Variants in MUC7 observed in about 807,000 individuals in gnomAD.
The protein encoded by MUC7 is mucin 7, secreted, also known as mucin-7.
Under a neutral mutation model 2.5 loss-of-function variants are expected in MUC7, and 2 were observed. That is an observed-to-expected ratio of 0.81 (90% CI 0.33 to 2.55). MUC7 has a LOEUF of 2.55. Ranked by LOEUF, MUC7 falls within the 30% of genes most tolerant of loss-of-function variation. The probability of loss-of-function intolerance (pLI) is 0.11; values close to 1 mark genes in which losing one functional copy is unlikely to be tolerated. For synonymous variants in MUC7, 133 were observed against 173.4 expected, an observed-to-expected ratio of 0.77 and a Z score of 1.83; for missense variants, 408 against 455.6, an observed-to-expected ratio of 0.90 and a Z score of 0.95.
chr4:70,459,249 C>T (rs147050190), intron 1 of MUC7, among the ~76,000 whole-genome samples: 13,343 of 152,098 alleles, frequency 0.088, 780 homozygotes, highest in East Asian at 0.21. Flanking sequence ...ACCATGCAGC[C>T]GTAAAAAATG....
At chr4:70,445,795 A>T (rs1406554430) in intron 1 of MUC7, among the ~76,000 whole-genome samples, 1 of 152,204 alleles carries the variant, frequency 6.6e-6, no homozygotes, top group Non-Finnish European at 1.5e-5. Flanking sequence ...TGCAAACCTA[A>T]CTTGCATATT....
chr4:70,431,628 T>C (rs1366430637), intron 1 of MUC7, among the ~76,000 whole-genome samples: 3 of 152,328 alleles, frequency 2.0e-5, no homozygotes, highest in East Asian at 3.9e-4. Flanking sequence ...GTAGTTTTCA[T>C]TGGAATTACA....
chr4:70,431,921 C>T (rs945514185), intron 1 of MUC7, among the ~76,000 whole-genome samples: 4 of 152,032 alleles, frequency 2.6e-5, no homozygotes, highest in African/African-American at 4.8e-5. Flanking sequence ...CGACAGGCCC[C>T]GGTGTGTGAT....
upstream of MUC7, among the ~76,000 whole-genome samples, chr4:70,470,104 G>T (rs1406262708): frequency 6.6e-6 from 1 of 152,160 alleles, no homozygotes; most frequent in Non-Finnish European, 1.5e-5. Flanking sequence ...CATGTCCTTT[G>T]CAGGGACATG....
At chr4:70,433,660 T>C (rs772749895) in intron 1 of MUC7, among the ~76,000 whole-genome samples, 1 of 152,212 alleles carries the variant, frequency 6.6e-6, no homozygotes, top group Non-Finnish European at 1.5e-5. Context: ...TACAATCATG[T>C]CATCTGCAAA....
chr4:70,460,103 A>G (rs374997487), intron 1 of MUC7, among the ~76,000 whole-genome samples: 10 of 152,314 alleles, frequency 6.6e-5, no homozygotes, highest in African/African-American at 2.2e-4. Context: ...CGAAAATAGA[A>G]AAGAAAATAT....
At chr4:70,448,866 G>T (rs1383540507) in intron 1 of MUC7, among the ~76,000 whole-genome samples, 1 of 152,174 alleles carries the variant, frequency 6.6e-6, no homozygotes, top group Non-Finnish European at 1.5e-5. Flanking sequence ...GTCCTGGAGA[G>T]TTTCCCCAAT....
intron 1 of MUC7, among the ~76,000 whole-genome samples, chr4:70,466,499 T>C (rs551746595): frequency 1.6e-4 from 24 of 152,216 alleles, no homozygotes; most frequent in Middle Eastern, 3.4e-3. Flanking sequence ...ATCAGTGTGC[T>C]ATATTCAGGA....
intron 2 of MUC7, among the ~76,000 whole-genome samples, chr4:70,479,964 A>G (rs553289713): frequency 1.3e-5 from 2 of 152,316 alleles, no homozygotes; most frequent in African/African-American, 4.8e-5. Flanking sequence ...GTGAGTTCCT[A>G]ATCAGAAGAG....
At chr4:70,432,233 C>G (rs1272051969) in intron 1 of MUC7, among the ~76,000 whole-genome samples, 1 of 151,842 alleles carries the variant, frequency 6.6e-6, no homozygotes, top group African/African-American at 2.4e-5. Context: ...TTTATAGCAG[C>G]ATGATTTATA....
chr4:70,431,820 C>T lies in MUC7; in HGVS notation c.-93+1133C>T, dbSNP rs371708734. ...CGCGCAGGTTTCTTACATATGTATA[C>T]ATGTGCCATGTTGGTGTGCTGCACC... On this transcript the variant is annotated intron_variant, in intron 1 of 3. Coordinates refer to the MUC7 transcript ENST00000413702. Among the ~76,000 whole-genome samples, 77 of 152,168 alleles carry T rather than the reference C, an allele frequency of 5.1e-4. 2 individuals are homozygous for T. The South Asian group carries it at 0.016, about 31-fold the overall frequency.
intron 1 of MUC7, among the ~76,000 whole-genome samples, chr4:70,435,910 C>G (rs1733819628): frequency 6.6e-6 from 1 of 152,204 alleles, no homozygotes; most frequent in Non-Finnish European, 1.5e-5. Flanking sequence ...GTGATAAAAT[C>G]TCTTCACATT....
Position 70,480,790 on chromosome 4 carries a change from T to G in MUC7, c.55-9T>G. On this transcript the variant is annotated splice_polypyrimidine_tract_variant and intron_variant, in intron 2 of 2. Coordinates refer to ENST00000304887, the MANE Select transcript of MUC7 (RefSeq NM_152291.3). ...TTTTCATTTCTTACATTTTCTTTCT[T>G]TTCTGCAGTTCAGTGAAGGTCGAGA... 1 of 1,605,506 alleles carries G rather than the reference T, an allele frequency of 6.2e-7. No homozygotes were observed. The highest frequency in any genetic ancestry group is 1.1e-5 in the South Asian group (1 of 90,430).
chr4:70,464,257 C>A (rs774511777), intron 1 of MUC7, among the ~76,000 whole-genome samples: 5 of 152,182 alleles, frequency 3.3e-5, no homozygotes, highest in Non-Finnish European at 5.9e-5. Flanking sequence ...AACCAGCAGA[C>A]AAGAAGATTC....
intron 1 of MUC7, among the ~76,000 whole-genome samples, chr4:70,442,164 T>C (rs1208871649): frequency 3.3e-5 from 5 of 152,210 alleles, no homozygotes; most frequent in Non-Finnish European, 5.9e-5. Flanking sequence ...ATATTTTCTA[T>C]ACAACAAAAA....
chr4:70,479,665 T>C (rs1735111365), intron 2 of MUC7, among the ~76,000 whole-genome samples: 1 of 152,192 alleles, frequency 6.6e-6, no homozygotes, highest in Admixed American at 6.5e-5. Context: ...ATGAAGTATG[T>C]TTACAGATAA....
intron 1 of MUC7, among the ~76,000 whole-genome samples, chr4:70,439,090 AC>A (rs1733938569): frequency 1.3e-5 from 2 of 152,228 alleles, no homozygotes; most frequent in Non-Finnish European, 2.9e-5. Flanking sequence ...AACTATGGGA[AC>A]TAAAATAGGG....
At chr4:70,456,551 G>A (rs1455350259) in intron 1 of MUC7, among the ~76,000 whole-genome samples, 1 of 152,170 alleles carries the variant, frequency 6.6e-6, no homozygotes, top group Non-Finnish European at 1.5e-5. Context: ...GCAGAAGAGA[G>A]AGAGAGAACA....
intron 1 of MUC7, among the ~76,000 whole-genome samples, chr4:70,459,587 GAAAT>G (rs1430356871): frequency 6.6e-6 from 1 of 151,950 alleles, no homozygotes; most frequent in African/African-American, 2.4e-5. Context: ...TAATAATAAT[GAAAT>G]AAAATAAAAA....
Sources: allele counts gnomAD v4.1 joint callset (sites outside exome capture counted in the v4.1 genomes callset), GRCh38; gene constraint gnomAD v4.1.1; transcripts MANE v1.5; gene names NCBI Gene and HGNC (gene_info 2026-07-23, HGNC 2026-07-21).